SH3BGR: variants seen among roughly 807,000 people sequenced by gnomAD.
The protein encoded by SH3BGR is SH3 domain-binding glutamic acid-rich protein.
A neutral mutation model predicts 24.5 loss-of-function variants in SH3BGR; 29 were observed. The ratio of observed to expected loss-of-function variants is 1.18; its 90% confidence interval spans 0.88 to 1.61. The LOEUF is 1.61. Ranked by LOEUF, SH3BGR falls within the 40% of genes most tolerant of loss-of-function variation. The probability of loss-of-function intolerance (pLI) is 0.00; values close to 1 mark genes in which losing one functional copy is unlikely to be tolerated. For missense variants in SH3BGR, 162 were observed against 205.8 expected (o/e 0.79, Z 1.30); for synonymous variants, 55 against 65.7 (o/e 0.84, Z 0.79).
chr21:39,448,967 T>C (rs1282348545), upstream of SH3BGR, among the ~76,000 whole-genome samples: 1 of 151,984 alleles, frequency 6.6e-6, no homozygotes, highest in African/African-American at 2.4e-5. Flanking sequence ...ACATTCTTTA[T>C]TGATAAACAG....
At chr21:39,496,506 CAAAAA>C (rs56909090) in intron 3 of SH3BGR, among the ~76,000 whole-genome samples, 5 of 103,078 alleles carry the variant, frequency 4.9e-5, no homozygotes, top group Admixed American at 2.0e-4. Flanking sequence ...GACTCCGTCT[CAAAAA>C]AAAAAAAAAA....
intron 1 of SH3BGR, among the ~76,000 whole-genome samples, chr21:39,456,583 TTTCCATGCGGGGTAGCAGA>T (rs1194543367): frequency 7.2e-5 from 11 of 151,990 alleles, no homozygotes; most frequent in African/African-American, 2.7e-4. Flanking sequence ...GGGGTAGCAG[TTTCCATGCGGGGTAGCAGA>T]TTCCATGCGG....
Position 39,479,152 on chromosome 21 carries a change from T to C in SH3BGR, c.312+3937T>C, listed in dbSNP as rs1010092415. On this transcript the variant is annotated intron_variant, in intron 3 of 6. Coordinates refer to ENST00000333634, the MANE Select transcript of SH3BGR (RefSeq NM_007341.3). ...AGGAAGGCTGAGGTGAGAGGATTGC[T>C]TGTGCCTAGGGTTTCGAGGCCAGTC... 5.3e-5 allele frequency among the ~76,000 whole-genome samples: 8 copies of C among 152,132 alleles called. No homozygotes were observed. The South Asian group carries it at 8.3e-4, about 16-fold the overall frequency.
intron 3 of SH3BGR, among the ~76,000 whole-genome samples, chr21:39,492,191 T>C (rs926396785): frequency 2.3e-4 from 35 of 152,110 alleles, no homozygotes; most frequent in Admixed American, 5.2e-4. Flanking sequence ...CCAAGCAGTG[T>C]ACACTGCACC....
chr21:39,460,796 T>G (rs1461537821), intron 1 of SH3BGR, among the ~76,000 whole-genome samples: 2 of 152,120 alleles, frequency 1.3e-5, no homozygotes, highest in African/African-American at 4.8e-5. Flanking sequence ...AAAATTTTTA[T>G]TTTATTTTTA....
At chr21:39,479,344 T>G (rs951173384) in intron 3 of SH3BGR, among the ~76,000 whole-genome samples, 20 of 137,626 alleles carry the variant, frequency 1.5e-4, no homozygotes, top group Non-Finnish European at 2.3e-4. Flanking sequence ...AGGTGGTGAT[T>G]GTGGTGGTGA....
chr21:39,480,977 TTTG>T (rs1476174215), intron 3 of SH3BGR, among the ~76,000 whole-genome samples: 1 of 152,234 alleles, frequency 6.6e-6, no homozygotes, highest in African/African-American at 2.4e-5. Flanking sequence ...GTAAGGCCAC[TTTG>T]TTCCTTTCCC....
At chr21:39,470,035 A>G (rs910240319) in intron 2 of SH3BGR, among the ~76,000 whole-genome samples, 3 of 152,070 alleles carry the variant, frequency 2.0e-5, no homozygotes, top group African/African-American at 7.2e-5. Context: ...TGAAATTATG[A>G]GTACATTTGG....
upstream of SH3BGR, among the ~76,000 whole-genome samples, chr21:39,451,136 C>G (rs1402886461): frequency 1.3e-5 from 2 of 152,104 alleles, no homozygotes; most frequent in African/African-American, 2.4e-5. Flanking sequence ...TAACTTTTAA[C>G]ACAATTCAAA....
chr21:39,446,485 C>T (rs1407764211), intron 1 of SH3BGR, among the ~76,000 whole-genome samples: 1 of 152,190 alleles, frequency 6.6e-6, no homozygotes, highest in Non-Finnish European at 1.5e-5. Flanking sequence ...AGCATATGCT[C>T]ACTTTGAGGC....
chr21:39,499,624 C>A (rs1460945076), intron 3 of SH3BGR, among the ~76,000 whole-genome samples, 199 bp from the exon 4 acceptor site: 1 of 152,202 alleles, frequency 6.6e-6, no homozygotes, highest in East Asian at 1.9e-4. Flanking sequence ...TAGGTTGGAT[C>A]TTTGACTTAT....
rs1157014898 is a variant in SH3BGR, at chr21:39,475,184, T to C, written c.281T>C (p.Phe94Ser). 8 of 1,612,424 alleles carry C rather than the reference T, an allele frequency of 5.0e-6. No individual in the cohort carries two copies. The highest frequency in any genetic ancestry group is 6.8e-6 in the Non-Finnish European group (8 of 1,178,652). Residue 94 changes from phenylalanine (F) to serine (S), a missense_variant, in exon 3 of 7, where the codon TTC (phenylalanine) becomes TCC (serine). Physicochemically the swap from Phe to Ser is radical, Grantham distance 155 (BLOSUM62 -2). Transcript: ENST00000333634. ...AAAGAAGAGAATATTATTTATTCCT[T>C]CCTTGGTTTGGCTCCTCCTCCAGAC... ...SAKEENIIYS[F>S]LGLAPPPDSK... is the part of the protein sequence containing the mutation.
At chr21:39,446,042 C>T (rs1003576544) in exon 1 of SH3BGR, 2 of 152,252 alleles carry the variant, frequency 1.3e-5, no homozygotes, top group East Asian at 1.9e-4. Flanking sequence ...GTCACGCGCT[C>T]TGGCGCTCTC....
chr21:39,475,362 TA>T (rs922358788), intron 3 of SH3BGR, 147 bp downstream of exon 3: 3 of 491,788 alleles, frequency 6.1e-6, no homozygotes, highest in African/African-American at 3.9e-5. Flanking sequence ...GTCCTATGCA[TA>T]GAGAGAATGC....
chr21:39,449,235 GAT>G (rs1477028519), upstream of SH3BGR, among the ~76,000 whole-genome samples: 1 of 152,348 alleles, frequency 6.6e-6, no homozygotes, highest in East Asian at 1.9e-4. Context: ...GTAAGACACA[GAT>G]ACCAGCTCCT....
At chr21:39,463,167 A>C (rs2077783355) in intron 2 of SH3BGR, among the ~76,000 whole-genome samples, 1 of 152,234 alleles carries the variant, frequency 6.6e-6, no homozygotes, top group Non-Finnish European at 1.5e-5. Flanking sequence ...TACAGGTGTG[A>C]GCCACGGTGC....
intron 3 of SH3BGR, among the ~76,000 whole-genome samples, chr21:39,482,734 G>A (rs1016438793): frequency 6.6e-6 from 1 of 152,038 alleles, no homozygotes; most frequent in African/African-American, 2.4e-5. Context: ...CGGTTGCGCA[G>A]TCTCAGCTCA....
In SH3BGR at chr21:39,457,449, T is replaced by G. The variant is rs558485386; in HGVS notation, c.46-4926T>G. On this transcript the variant is annotated intron_variant, in intron 1 of 6. Transcript: ENST00000333634. ...TATATTATATAGTTATATATAAATC[T>G]TATGTATAAGATTATATATTATATA... Among the ~76,000 whole-genome samples the G allele has an allele frequency of 9.4e-5, 13 of 137,668 alleles. No homozygotes were observed. In the East Asian group the frequency reaches 2.4e-3, roughly 26 times the overall value. 90.3% of individuals were successfully genotyped at this position (137,668 alleles called of 152,430 possible).
intron 6 of SH3BGR, among the ~76,000 whole-genome samples, chr21:39,512,809 C>T (rs1263728036): frequency 6.6e-6 from 1 of 151,884 alleles, no homozygotes; most frequent in African/African-American, 2.4e-5. Context: ...AAAACAAAAA[C>T]AAAAAACAAA....
Sources: allele counts gnomAD v4.1 joint callset (sites outside exome capture counted in the v4.1 genomes callset), GRCh38; gene constraint gnomAD v4.1.1; transcripts MANE v1.5; gene names NCBI Gene and HGNC (gene_info 2026-07-23, HGNC 2026-07-21).